Variants in PPARGC1A observed in about 807,000 individuals in gnomAD.
The protein encoded by PPARGC1A is peroxisome proliferator-activated receptor gamma coactivator 1-alpha.
In PPARGC1A, 25 loss-of-function variants were observed where a neutral mutation model predicts 88.7. The ratio of observed to expected loss-of-function variants is 0.28; its 90% confidence interval spans 0.21 to 0.39. PPARGC1A has a LOEUF of 0.39. Ranked by LOEUF, PPARGC1A falls within the 10% of genes least tolerant of loss-of-function variation. The pLI is 1.00. For missense variants in PPARGC1A, 880 were observed against 968.7 expected (o/e 0.91, Z 1.22); for synonymous variants, 363 against 355.6 (o/e 1.02, Z -0.24).
the PPARGC1A span, among the ~76,000 whole-genome samples, chr4:24,122,434 TATAGAGAGAGAGAG>T: frequency 7.7e-6 from 1 of 130,112 alleles, no homozygotes; most frequent in African/African-American, 2.9e-5. Context: ...TATATATATA[TATAGAGAGAGAGAG>T]AGAGAGAGAG....
chr4:24,387,868 GGAAGAAAGAGAAAGAAAGAAAGAAAGAA>G, the PPARGC1A span, among the ~76,000 whole-genome samples: 1,519 of 80,406 alleles, frequency 0.019, 167 homozygotes, highest in African/African-American at 0.066. Context: ...AAGAGAGAAA[GGAAGAAAGAGAAAGAAAGAAAGAAAGAA>G]AAAGAAAGAG....
the PPARGC1A span, among the ~76,000 whole-genome samples, chr4:24,386,009 T>C: frequency 7.3e-3 from 1,103 of 152,066 alleles, 8 homozygotes; most frequent in Middle Eastern, 0.034. Context: ...TGCTGGCAAA[T>C]TGGATCCAGA....
the PPARGC1A span, among the ~76,000 whole-genome samples, chr4:24,203,201 G>A: frequency 2.0e-5 from 3 of 152,266 alleles, no homozygotes; most frequent in East Asian, 1.9e-4. Context: ...GTAGTGGATC[G>A]CCAGGCAAGT....
At chr4:23,971,479 C>A in the PPARGC1A span, among the ~76,000 whole-genome samples, 20 of 152,138 alleles carry the variant, frequency 1.3e-4, no homozygotes, top group African/African-American at 4.6e-4. Flanking sequence ...ATCACAGAGT[C>A]CCACAATAGG....
At position 23,813,546 on chromosome 4, in the gene PPARGC1A, T is replaced by C. The variant is rs2109460773; in HGVS notation, c.1793+144A>G. On this transcript the variant is annotated intron_variant, in intron 8 of 12. Transcript: ENST00000264867. ...ATGGAGAGAGATGTGAGTGTAACAATGTTCTCGTTAGTTCCAGCAGTGCCA... is the reference window on the plus strand; with the variant it reads ...ATGGAGAGAGATGTGAGTGTAACAACGTTCTCGTTAGTTCCAGCAGTGCCA... 4.2e-6 allele frequency: 3 copies of C among 719,996 alleles called. No individual in the cohort carries two copies. The South Asian group carries it at 6.3e-5, about 15-fold the overall frequency. 44.6% of individuals were successfully genotyped at this position (719,996 alleles called of 1,614,324 possible).
the PPARGC1A span, among the ~76,000 whole-genome samples, chr4:24,221,286 G>T: frequency 3.3e-5 from 5 of 152,058 alleles, no homozygotes; most frequent in Non-Finnish European, 7.3e-5. Flanking sequence ...CACTTACCAG[G>T]TGTCATGTGC....
chr4:24,441,522 A>G, the PPARGC1A span, among the ~76,000 whole-genome samples: 1 of 152,202 alleles, frequency 6.6e-6, no homozygotes, highest in Non-Finnish European at 1.5e-5. Context: ...ACCCGGAACA[A>G]AATTCATTCC....
upstream of PPARGC1A, among the ~76,000 whole-genome samples, chr4:23,899,868 T>C (rs2148877644): frequency 6.6e-6 from 1 of 152,320 alleles, no homozygotes; most frequent in East Asian, 1.9e-4. Context: ...ATGGGTACAT[T>C]GTTACTGACA....
At chr4:24,116,337 T>C in the PPARGC1A span, among the ~76,000 whole-genome samples, 2 of 152,262 alleles carry the variant, frequency 1.3e-5, no homozygotes, top group South Asian at 4.2e-4. Flanking sequence ...AAAACTATAC[T>C]CAAAAGCCAT....
intron 1 of PPARGC1A, among the ~76,000 whole-genome samples, chr4:23,885,608 AT>A (rs922927057): frequency 1.4e-4 from 21 of 151,746 alleles, no homozygotes; most frequent in Admixed American, 7.2e-4. Flanking sequence ...AAAAATCATA[AT>A]TTTTTTTCTA....
chr4:24,295,878 G>C, the PPARGC1A span, among the ~76,000 whole-genome samples: 71 of 150,816 alleles, frequency 4.7e-4, no homozygotes, highest in African/African-American at 1.6e-3. Flanking sequence ...CTCAATTTTT[G>C]TGCCCAGCCT....
At chr4:23,951,840 G>A in the PPARGC1A span, among the ~76,000 whole-genome samples, 1 of 152,130 alleles carries the variant, frequency 6.6e-6, no homozygotes, top group Non-Finnish European at 1.5e-5. Context: ...GACGTTTCAG[G>A]AGTCTAATGA....
At chr4:23,925,340 T>C in the PPARGC1A span, among the ~76,000 whole-genome samples, 3 of 152,204 alleles carry the variant, frequency 2.0e-5, no homozygotes, top group Non-Finnish European at 4.4e-5. Flanking sequence ...CCGCAGGCCA[T>C]GTGTTTATAA....
the PPARGC1A span, among the ~76,000 whole-genome samples, chr4:24,015,002 A>G: frequency 6.6e-6 from 1 of 152,174 alleles, no homozygotes; most frequent in Non-Finnish European, 1.5e-5. Context: ...CAATGTTGCA[A>G]TTCTCACTTG....
chr4:24,191,278 G>T, the PPARGC1A span, among the ~76,000 whole-genome samples: 1 of 152,214 alleles, frequency 6.6e-6, no homozygotes. Context: ...CAGGTACCAG[G>T]CTATGTATTT....
At chr4:24,017,133 T>C in the PPARGC1A span, among the ~76,000 whole-genome samples, 2 of 152,124 alleles carry the variant, frequency 1.3e-5, no homozygotes, top group East Asian at 1.9e-4. Flanking sequence ...TTTATCGCCA[T>C]GTGAAAGGTA....
chr4:24,128,562 G>C, the PPARGC1A span, among the ~76,000 whole-genome samples: 3 of 151,188 alleles, frequency 2.0e-5, no homozygotes, highest in Admixed American at 2.0e-4. Context: ...GTGTGTGTGT[G>C]TGTGTGTGTG....
chr4:23,815,796 C>T (rs1237986382), intron 7 of PPARGC1A, among the ~76,000 whole-genome samples: 1 of 151,970 alleles, frequency 6.6e-6, no homozygotes, highest in Non-Finnish European at 1.5e-5. Flanking sequence ...GTTTAGGAGG[C>T]GGGGTGAATA....
At chr4:24,051,289 A>G in the PPARGC1A span, among the ~76,000 whole-genome samples, 1 of 151,860 alleles carries the variant, frequency 6.6e-6, no homozygotes, top group African/African-American at 2.4e-5. Context: ...GATGAAAGGC[A>G]TGGCTCTTGC....
Sources: allele counts gnomAD v4.1 joint callset (sites outside exome capture counted in the v4.1 genomes callset), GRCh38; gene constraint gnomAD v4.1.1; transcripts MANE v1.5; gene names NCBI Gene and HGNC (gene_info 2026-07-23, HGNC 2026-07-21).